Variants in NOX5 observed in about 807,000 individuals in gnomAD.
The protein encoded by NOX5 is NADPH oxidase 5.
Under a neutral mutation model 85.7 loss-of-function variants are expected in NOX5, and 76 were observed. That is an observed-to-expected ratio of 0.89 (90% CI 0.74 to 1.07). NOX5 has a LOEUF of 1.07. Ranked by LOEUF, NOX5 falls within the 50% of genes least tolerant of loss-of-function variation. NOX5 has a pLI of 0.00. For missense variants in NOX5, 973 were observed against 999.5 expected (o/e 0.97, Z 0.36); for synonymous variants, 405 against 401.4 (o/e 1.01, Z -0.11).
intron 14 of NOX5, among the ~76,000 whole-genome samples, chr15:69,053,921 T>G (rs1050200161): frequency 6.6e-6 from 1 of 152,170 alleles, no homozygotes; most frequent in Non-Finnish European, 1.5e-5. Flanking sequence ...TGACATGAAA[T>G]GTGCTAGCCC....
chr15:69,028,064 T>G (rs1373984633), intron 2 of NOX5, 151 bp from the exon 3 acceptor site: 1 of 780,786 alleles, frequency 1.3e-6, no homozygotes, highest in African/African-American at 1.7e-5. Context: ...CAGATCACGA[T>G]GGGTGTTCAG....
In NOX5 at chr15:69,033,212, G is replaced by C; in HGVS notation, c.790G>C (p.Gly264Arg). 6.3e-7 allele frequency: 1 copy of C among 1,597,304 alleles called. No individual in the cohort carries two copies. The highest frequency in any genetic ancestry group is 8.5e-7 in the Non-Finnish European group (1 of 1,178,926). ...GGCGGCCAGCGCGCACCGGGACCTC[G>C]GCGCCAGCGTCATGGTGGCCAAGGG... ...GLAASAHRDL[G>R]ASVMVAKGCG... Residue 264 changes from glycine (G) to arginine (R), a missense_variant, in exon 5 of 16, where the codon GGC (glycine) becomes CGC (arginine). By Grantham distance (125) the Gly-to-Arg change is moderately radical. Coordinates refer to ENST00000388866, the MANE Select transcript of NOX5 (RefSeq NM_024505.4).
intron 15 of NOX5, 116 bp downstream of exon 15, chr15:69,055,616 G>C (rs1356518325): frequency 8.8e-7 from 1 of 1,136,750 alleles, no homozygotes; most frequent in East Asian, 2.5e-5. Context: ...TAAGTCCAGA[G>C]TCCAGAAGGG....
intron 10 of NOX5, among the ~76,000 whole-genome samples, chr15:69,045,406 T>G (rs1017290133): frequency 6.6e-6 from 1 of 152,210 alleles, no homozygotes; most frequent in African/African-American, 2.4e-5. Context: ...ATTAAATTCT[T>G]GCTAGATGGC....
chr15:69,033,709 T>C (rs867115248), intron 5 of NOX5, among the ~76,000 whole-genome samples: 3 of 149,576 alleles, frequency 2.0e-5, no homozygotes, highest in Non-Finnish European at 4.4e-5. Context: ...TTCTTTTTTT[T>C]TTTTTTTTGA....
intron 13 of NOX5, 95 bp from the exon 14 acceptor site, chr15:69,048,864 T>C: frequency 5.0e-6 from 4 of 805,080 alleles, no homozygotes; most frequent in Non-Finnish European, 8.2e-6. Flanking sequence ...CCCTGCTTAC[T>C]TCAGGGTGGT....
rs367936883 is a variant in NOX5 at position 69,033,060 on chromosome 15, C to T, written c.638C>T (p.Thr213Met). 1.1e-4 allele frequency: 170 copies of T among 1,552,078 alleles called. No individual in the cohort carries two copies. Among genetic ancestry groups the T allele is most frequent in the Non-Finnish European group, 1.4e-4 (158 of 1,163,550 alleles). ...TCTCGCAGCGCTGCCCACTGGCTGA[C>T]GGCCCCCGCCCCCCGCCCACGCCCG... is the stretch of plus-strand genomic sequence containing the variant. ...NLTISAAHWLTAPAPRPRPRR... is the reference protein window; with the variant it reads ...NLTISAAHWLMAPAPRPRPRR... The change falls in exon 5 of 16, where the codon ACG becomes ATG. Residue 213 changes from threonine to methionine, a missense_variant. Transcript: ENST00000388866.
At chr15:69,035,553 C>T (rs1411046466) in intron 6 of NOX5, 46 bp downstream of exon 6, 2 of 1,604,494 alleles carry the variant, frequency 1.2e-6, no homozygotes, top group South Asian at 2.2e-5. Context: ...GCTTGAGCAG[C>T]CTCAAGCCCA....
intron 8 of NOX5, chr15:69,037,528 A>G (rs2050538369): frequency 3.0e-6 from 1 of 330,332 alleles, no homozygotes; most frequent in Non-Finnish European, 5.7e-6. Flanking sequence ...AGAGAAATAG[A>G]GAAGGTTCTG....
chr15:69,037,555 A>G (rs2050538610), intron 8 of NOX5: 2 of 221,964 alleles, frequency 9.0e-6, no homozygotes, highest in East Asian at 2.2e-4. Context: ...CCTGCTTTCT[A>G]GGGGAGCCAG....
At chr15:69,033,900 G>T (rs1371921927) in intron 5 of NOX5, among the ~76,000 whole-genome samples, 2 of 151,838 alleles carry the variant, frequency 1.3e-5, no homozygotes, top group African/African-American at 4.8e-5. Flanking sequence ...CACCATTTTG[G>T]CCAGGCTGGT....
chr15:69,056,760 A>T lies in NOX5; in HGVS notation c.*64A>T. 6.3e-7 allele frequency: 1 copy of T among 1,582,822 alleles called. No individual in the cohort carries two copies. The highest frequency in any genetic ancestry group is 8.6e-7 in the Non-Finnish European group (1 of 1,165,502). ...GGTCTGCTTCATTGCATTAGTATAA[A>T]TGCCCCCACAGGGACCAGCCTCAGA... On this transcript the variant is annotated 3_prime_UTR_variant, in exon 16 of 16. Coordinates refer to ENST00000388866, the MANE Select transcript of NOX5 (RefSeq NM_024505.4).
At chr15:69,038,780 C>T in intron 8 of NOX5, 77 bp from the exon 9 acceptor site, 2 of 1,596,664 alleles carry the variant, frequency 1.3e-6, no homozygotes, top group Non-Finnish European at 1.7e-6. Flanking sequence ...GGCAGCCCAG[C>T]TTCTGCCCTC....
rs151056169 is a variant in NOX5 at position 69,037,015 on chromosome 15, C to G, written c.1189-13C>G. On this transcript the variant is annotated splice_polypyrimidine_tract_variant and intron_variant, in intron 7 of 15. Coordinates refer to ENST00000388866, the MANE Select transcript of NOX5 (RefSeq NM_024505.4). ...TGAGCTCTGGAAGTTGACTGCCCCCCCTACCCCCATAGGTGTTCTATTGGA... is the reference window on the plus strand; with the variant it reads ...TGAGCTCTGGAAGTTGACTGCCCCCGCTACCCCCATAGGTGTTCTATTGGA... 6.3e-5 allele frequency: 102 copies of G among 1,612,050 alleles called. No individual in the cohort carries two copies. Among genetic ancestry groups the G allele is most frequent in the South Asian group, 9.9e-5 (9 of 90,928 alleles).
intron 15 of NOX5, among the ~76,000 whole-genome samples, chr15:69,056,196 C>T (rs1211956203): frequency 6.6e-6 from 1 of 152,188 alleles, no homozygotes; most frequent in Non-Finnish European, 1.5e-5. Context: ...TGGGGACTAA[C>T]ACCAGGTTCA....
rs1005835509 is a variant in NOX5 at position 69,060,088 on chromosome 15, C to G, written c.*3392C>G. 4 of 152,462 alleles carry G rather than the reference C, an allele frequency of 2.6e-5. No individual in the cohort carries two copies. The highest frequency in any genetic ancestry group is 9.6e-5 in the African/African-American group (4 of 41,598). 9.4% of individuals were successfully genotyped at this position (152,462 alleles called of 1,614,324 possible). Reference sequence around the variant, plus strand: ...GCACAAACACAAGCCCACTGAACCACTTTGCCAGGTGCCATTGCACTGTTC... The same window carrying G: ...GCACAAACACAAGCCCACTGAACCAGTTTGCCAGGTGCCATTGCACTGTTC... On this transcript the variant is annotated 3_prime_UTR_variant, in exon 16 of 16. Coordinates refer to ENST00000388866, the MANE Select transcript of NOX5 (RefSeq NM_024505.4).
At chr15:69,035,987 C>T (rs1364517104) in intron 7 of NOX5, 51 bp downstream of exon 7, 5 of 1,603,420 alleles carry the variant, frequency 3.1e-6, no homozygotes, top group Non-Finnish European at 3.4e-6. Context: ...GTCCTACTTT[C>T]ATTTCTTTCT....
chr15:69,049,207 T>C (rs2050716413), intron 14 of NOX5, 149 bp downstream of exon 14: 1 of 459,764 alleles, frequency 2.2e-6, no homozygotes, highest in East Asian at 3.9e-5. Flanking sequence ...TTTTTTTTTT[T>C]TTGAGACAAG....
chr15:69,037,048 G>A lies in NOX5; in HGVS notation c.1209G>A (p.Leu403=). 6.2e-7 allele frequency: 1 copy of A among 1,613,810 alleles called. No individual in the cohort carries two copies. Among genetic ancestry groups the A allele is most frequent in the Non-Finnish European group, 8.5e-7 (1 of 1,179,988 alleles). The part of the protein sequence containing the change: ...GHFEVFYWTH[L]SYLLVWLLLI... Reference sequence around the variant, plus strand: ...CATAGGTGTTCTATTGGACTCACCTGTCCTACCTCCTCGTGTGGCTTCTGC... The same window carrying A: ...CATAGGTGTTCTATTGGACTCACCTATCCTACCTCCTCGTGTGGCTTCTGC... Residue 403 remains leucine, a synonymous_variant, in exon 8 of 16, where the codon CTG becomes CTA. Coordinates refer to ENST00000388866, the MANE Select transcript of NOX5 (RefSeq NM_024505.4).
Sources: allele counts gnomAD v4.1 joint callset (sites outside exome capture counted in the v4.1 genomes callset), GRCh38; gene constraint gnomAD v4.1.1; transcripts MANE v1.5; gene names NCBI Gene and HGNC (gene_info 2026-07-23, HGNC 2026-07-21).